SNX29: variants seen among roughly 807,000 people sequenced by gnomAD.
SNX29 encodes the protein sorting nexin-29.
Under a neutral mutation model 102.1 loss-of-function variants are expected in SNX29, and 78 were observed. That is an observed-to-expected ratio of 0.76 (90% CI 0.64 to 0.92). SNX29 has a LOEUF of 0.92. Among genes scored for constraint, SNX29 ranks in the 40% least tolerant of loss-of-function variants. The probability of loss-of-function intolerance (pLI) is 0.00; values close to 1 mark genes in which losing one functional copy is unlikely to be tolerated. For synonymous variants in SNX29, 580 were observed against 414.5 expected, an observed-to-expected ratio of 1.40 and a Z score of -4.85; for missense variants, 1,280 against 1,061.7, an observed-to-expected ratio of 1.21 and a Z score of -2.86.
chr16:12,063,295 G>C (rs913273432), intron 9 of SNX29, among the ~76,000 whole-genome samples: 2 of 149,094 alleles, frequency 1.3e-5, no homozygotes, highest in Non-Finnish European at 3.0e-5. Context: ...GTGGGGTGCT[G>C]TCATCTTTCT....
chr16:12,354,121 A>G (rs1306891381), intron 15 of SNX29, among the ~76,000 whole-genome samples: 2 of 152,150 alleles, frequency 1.3e-5, no homozygotes, highest in Non-Finnish European at 2.9e-5. Flanking sequence ...ATTTATTTCT[A>G]GTTATACTGG....
chr16:12,328,940 T>C (rs1324692510), intron 15 of SNX29, among the ~76,000 whole-genome samples: 1 of 152,062 alleles, frequency 6.6e-6, no homozygotes, highest in Non-Finnish European at 1.5e-5. Context: ...TTTCCTATCT[T>C]GGCTTCATCC....
intron 15 of SNX29, among the ~76,000 whole-genome samples, chr16:12,353,315 C>T (rs2082041843): frequency 6.6e-6 from 1 of 152,184 alleles, no homozygotes; most frequent in Non-Finnish European, 1.5e-5. Context: ...ACCTACTTGT[C>T]TGCCACTTCC....
chr16:12,556,195 G>A (rs1163354085), intron 20 of SNX29, among the ~76,000 whole-genome samples: 1 of 152,186 alleles, frequency 6.6e-6, no homozygotes, highest in Non-Finnish European at 1.5e-5. Flanking sequence ...TGCTGAGTCT[G>A]AAATGCAACC....
chr16:12,172,605 G>A (rs1021778044), intron 13 of SNX29, among the ~76,000 whole-genome samples: 1 of 152,190 alleles, frequency 6.6e-6, no homozygotes, highest in Non-Finnish European at 1.5e-5. Context: ...CAATGTTGAA[G>A]GATTAAATGA....
chr16:12,552,082 C>G (rs187996307), intron 20 of SNX29, among the ~76,000 whole-genome samples: 109 of 152,328 alleles, frequency 7.2e-4, no homozygotes, highest in African/African-American at 2.5e-3. Context: ...CTCAATCACT[C>G]AACTGTGCTA....
At chr16:12,454,788 C>T (rs573212473) in intron 18 of SNX29, among the ~76,000 whole-genome samples, 19 of 152,168 alleles carry the variant, frequency 1.2e-4, no homozygotes, top group African/African-American at 3.6e-4. Flanking sequence ...GGCGTGATCT[C>T]GGCTCACTGC....
intron 19 of SNX29, among the ~76,000 whole-genome samples, chr16:12,517,778 G>C (rs764018246): frequency 6.6e-6 from 1 of 152,108 alleles, no homozygotes; most frequent in Non-Finnish European, 1.5e-5. Context: ...CGAGTGCTTT[G>C]AAGAAAGGAG....
chr16:12,430,637 C>G (rs111716278), intron 18 of SNX29, among the ~76,000 whole-genome samples: 1 of 152,268 alleles, frequency 6.6e-6, no homozygotes, highest in African/African-American at 2.4e-5. Context: ...TTGTAAAGCA[C>G]TTATATAGTC....
chr16:12,201,276 T>C (rs905148912), intron 14 of SNX29, among the ~76,000 whole-genome samples: 3 of 152,252 alleles, frequency 2.0e-5, no homozygotes, highest in African/African-American at 7.2e-5. Context: ...ATTTATATGT[T>C]GGTCTCCCAA....
chr16:12,029,209 G>A (rs2057275169), intron 4 of SNX29, among the ~76,000 whole-genome samples: 1 of 150,190 alleles, frequency 6.7e-6, no homozygotes, highest in Non-Finnish European at 1.5e-5. Flanking sequence ...TTACTCATTT[G>A]TAGAAATGAG....
At chr16:12,187,569 A>G (rs867548326) in intron 13 of SNX29, among the ~76,000 whole-genome samples, 3 of 150,632 alleles carry the variant, frequency 2.0e-5, no homozygotes, top group Admixed American at 6.6e-5. Context: ...AAAATCCAGG[A>G]TAGGCTCCCA....
chr16:12,546,929 G>C (rs111607838), intron 20 of SNX29, among the ~76,000 whole-genome samples: 2 of 152,198 alleles, frequency 1.3e-5, no homozygotes, highest in African/African-American at 2.4e-5. Context: ...TGAGAGCAGG[G>C]ATGAAGAGAA....
chr16:12,124,933 T>A (rs1425059635), intron 11 of SNX29, among the ~76,000 whole-genome samples: 1 of 152,188 alleles, frequency 6.6e-6, no homozygotes, highest in East Asian at 1.9e-4. Context: ...GCAGGAGCGC[T>A]GCTCTGTTTC....
chr16:12,464,042 C>T (rs945689619), intron 18 of SNX29, among the ~76,000 whole-genome samples: 4 of 152,108 alleles, frequency 2.6e-5, no homozygotes, highest in East Asian at 1.9e-4. Context: ...TGGCAACCCC[C>T]GTCTGTTCTC....
chr16:12,205,286 A>G (rs976534750), intron 14 of SNX29, among the ~76,000 whole-genome samples: 2 of 152,204 alleles, frequency 1.3e-5, no homozygotes, highest in Admixed American at 6.5e-5. Flanking sequence ...CGTTTGAGGC[A>G]GTCTTCGGTT....
chr16:12,231,537 AAAAAAC>A (rs1490533133), intron 14 of SNX29, among the ~76,000 whole-genome samples: 76 of 51,772 alleles, frequency 1.5e-3, no homozygotes, highest in African/African-American at 1.9e-3. Context: ...CTTTTTAAAA[AAAAAAC>A]AAAAAACAAA....
intron 14 of SNX29, among the ~76,000 whole-genome samples, chr16:12,209,688 G>C (rs531419763): frequency 2.6e-5 from 4 of 152,206 alleles, no homozygotes; most frequent in Non-Finnish European, 4.4e-5. Flanking sequence ...CTTAGGAGAC[G>C]TGAGACCAGC....
At chr16:12,552,652 A>G (rs1026551503) in intron 20 of SNX29, among the ~76,000 whole-genome samples, 1 of 152,246 alleles carries the variant, frequency 6.6e-6, no homozygotes, top group African/African-American at 2.4e-5. Flanking sequence ...AAGGATTGCA[A>G]TGGGAGACCC....
Sources: allele counts gnomAD v4.1 joint callset (sites outside exome capture counted in the v4.1 genomes callset), GRCh38; gene constraint gnomAD v4.1.1; transcripts MANE v1.5; gene names NCBI Gene and HGNC (gene_info 2026-07-23, HGNC 2026-07-21).